CEP57L1: variants seen among roughly 807,000 people sequenced by gnomAD.
CEP57L1 encodes the protein centrosomal protein 57 like 1.
In CEP57L1, 37 loss-of-function variants were observed where a neutral mutation model predicts 61.0. The ratio of observed to expected loss-of-function variants is 0.61; its 90% CI spans 0.47 to 0.80. CEP57L1 has a LOEUF of 0.80. Ranked by LOEUF, CEP57L1 falls within the 30% of genes least tolerant of loss-of-function variation. The probability of loss-of-function intolerance (pLI) is 0.00; values close to 1 mark genes in which losing one functional copy is unlikely to be tolerated. For missense variants in CEP57L1, 422 were observed against 524.7 expected (o/e 0.80, Z 1.91); for synonymous variants, 137 against 162.3 (o/e 0.84, Z 1.19).
chr6:109,163,176 G>T lies in CEP57L1; in HGVS notation c.*206G>T. ...TAATTGCTTTTTTATTTTTCTTATT[G>T]ATTGAAGCCCGTAACCTCATCTTGT... is the stretch of plus-strand genomic sequence containing the variant. On this transcript the variant is annotated 3_prime_UTR_variant, in exon 11 of 11. Coordinates refer to ENST00000517392, the MANE Select transcript of CEP57L1 (RefSeq NM_001271852.3). 2.2e-6 allele frequency: 1 copy of T among 457,222 alleles called. No homozygotes were observed. Among genetic ancestry groups the T allele is most frequent in the Non-Finnish European group, 3.9e-6 (1 of 257,736 alleles). The allele number at this position is 457,222 out of a possible 1,614,324, so 28.3% of individuals were successfully genotyped here. A position where few individuals can be genotyped will look rare whatever the true frequency, so the allele number is the denominator to read the frequency against.
At chr6:109,141,409 G>T (rs919443480) in intron 1 of CEP57L1, among the ~76,000 whole-genome samples, 6 of 150,618 alleles carry the variant, frequency 4.0e-5, no homozygotes, top group Non-Finnish European at 7.4e-5. Flanking sequence ...TAGTGACAGG[G>T]TTTCACTGTT....
At position 109,173,925 on chromosome 6, in the gene CEP57L1, C is replaced by T. The variant is rs949493208; in HGVS notation, c.*10955C>T. Among the ~76,000 whole-genome samples the T allele has an allele frequency of 8.2e-5, 12 of 146,018 alleles. No homozygotes were observed. The highest frequency in any genetic ancestry group is 6.0e-4 in the Admixed American group (9 of 14,888). On this transcript the variant is annotated 3_prime_UTR_variant, in exon 11 of 11. Transcript: ENST00000517392. ...ACCAGCCTCCAACATGGTGAAACCC[C>T]GTCTCTACTAAAAAAAAAAAAAAAA...
At chr6:109,100,170 T>C (rs1349567050) in intron 1 of CEP57L1, 1 of 152,194 alleles carries the variant, frequency 6.6e-6, no homozygotes, top group Non-Finnish European at 1.5e-5. Context: ...GTTGATCATC[T>C]TATCTCTACC....
chr6:109,133,627 C>CT (rs1459443994), intron 1 of CEP57L1, among the ~76,000 whole-genome samples: 2 of 152,016 alleles, frequency 1.3e-5, no homozygotes, highest in African/African-American at 4.8e-5. Context: ...AATCCAGGAG[C>CT]TGGTGTTTTG....
chr6:109,139,758 G>T (rs1771141562), intron 1 of CEP57L1, among the ~76,000 whole-genome samples: 1 of 152,008 alleles, frequency 6.6e-6, no homozygotes, highest in Non-Finnish European at 1.5e-5. Flanking sequence ...AAAGTGCTGG[G>T]ATTACAGACG....
intron 1 of CEP57L1, among the ~76,000 whole-genome samples, chr6:109,116,634 A>G (rs1367659055): frequency 6.6e-6 from 1 of 152,222 alleles, no homozygotes; most frequent in Admixed American, 6.5e-5. Flanking sequence ...TGTCTAAAGT[A>G]TAGTATTATT....
Position 109,155,929 on chromosome 6 carries a change from T to C in CEP57L1, c.744+52T>C, listed in dbSNP as rs770256113. On this transcript the variant is annotated intron_variant, in intron 7 of 10. Transcript: ENST00000517392. ...CAAAAATACTGCTAATACTTATTTATATAACCTCTTAATCCTTATACCTAC... is the reference window on the plus strand; with the variant it reads ...CAAAAATACTGCTAATACTTATTTACATAACCTCTTAATCCTTATACCTAC... 1.5e-5 allele frequency: 12 copies of C among 824,420 alleles called. No individual in the cohort carries two copies. In the South Asian group the frequency reaches 1.9e-4, roughly 13 times the overall value. The allele number at this position is 824,420 out of a possible 1,614,324, so 51.1% of individuals were successfully genotyped here.
intron 1 of CEP57L1, among the ~76,000 whole-genome samples, chr6:109,136,377 G>A (rs1770680567): frequency 2.0e-5 from 3 of 152,144 alleles, no homozygotes; most frequent in African/African-American, 7.2e-5. Context: ...AGAACACTTG[G>A]ACACAGGAAG....
At chr6:109,111,077 C>T (rs575600445) in intron 1 of CEP57L1, among the ~76,000 whole-genome samples, 1 of 152,238 alleles carries the variant, frequency 6.6e-6, no homozygotes, top group East Asian at 1.9e-4. Flanking sequence ...TCAATGGTAG[C>T]TTGATCAGGA....
rs1774317045 is a variant in CEP57L1, at chr6:109,169,759, ATGTGAGATT to A, written c.*6793_*6801del. On this transcript the variant is annotated 3_prime_UTR_variant, in exon 11 of 11. Coordinates refer to ENST00000517392, the MANE Select transcript of CEP57L1 (RefSeq NM_001271852.3). ...TCAGACAGTTTTACAACCAATAAGA[ATGTGAGATT>A]TGTCGGAGAAAAACTATCTGCATGT... Among the ~76,000 whole-genome samples, 1 of 152,212 alleles carries A rather than the reference ATGTGAGATT, an allele frequency of 6.6e-6. No individual in the cohort carries two copies. The highest frequency in any genetic ancestry group is 2.4e-5 in the African/African-American group (1 of 41,458).
chr6:109,107,840 C>CT, intron 1 of CEP57L1, among the ~76,000 whole-genome samples: 1 of 151,962 alleles, frequency 6.6e-6, no homozygotes, highest in Admixed American at 6.6e-5. Flanking sequence ...ACTTGGGAGG[C>CT]TGAGGCAGGA....
chr6:109,173,193 G>C lies in CEP57L1; in HGVS notation c.*10223G>C, dbSNP rs1168619710. ...CATTGTTTGTGTACTTTTTAATTGT[G>C]TCATTTTCTACAGTATTATTTTTGC... is the stretch of plus-strand genomic sequence containing the variant. On this transcript the variant is annotated 3_prime_UTR_variant, in exon 11 of 11. Coordinates refer to ENST00000517392, the MANE Select transcript of CEP57L1 (RefSeq NM_001271852.3). 6.6e-6 allele frequency among the ~76,000 whole-genome samples: 1 copy of C among 151,992 alleles called. No individual in the cohort carries two copies. Among genetic ancestry groups the C allele is most frequent in the Non-Finnish European group, 1.5e-5 (1 of 67,990 alleles).
intron 1 of CEP57L1, among the ~76,000 whole-genome samples, chr6:109,098,081 G>T (rs77622028): frequency 6.6e-6 from 1 of 152,180 alleles, no homozygotes; most frequent in Non-Finnish European, 1.5e-5. Context: ...GGAGAGTTTT[G>T]CGCAGATGAG....
intron 1 of CEP57L1, among the ~76,000 whole-genome samples, chr6:109,122,765 C>T (rs1256548529): frequency 6.6e-6 from 1 of 151,978 alleles, no homozygotes; most frequent in Non-Finnish European, 1.5e-5. Flanking sequence ...CAAGATTGTG[C>T]CATTGCACTC....
Position 109,167,735 on chromosome 6 carries a change from G to A in CEP57L1, c.*4765G>A, listed in dbSNP as rs143221827. 7.4e-3 allele frequency among the ~76,000 whole-genome samples: 1,123 copies of A among 152,220 alleles called. 17 individuals are homozygous for A. The highest frequency in any genetic ancestry group is 0.026 in the African/African-American group (1,074 of 41,536). The stretch of plus-strand genomic sequence containing the variant: ...GGAATAGCCCAGTATTGTTTGTTTG[G>A]GGAGGGGCAGGGTGTGGTTCCACCA... On this transcript the variant is annotated 3_prime_UTR_variant, in exon 11 of 11. Coordinates refer to ENST00000517392, the MANE Select transcript of CEP57L1 (RefSeq NM_001271852.3).
chr6:109,128,499 A>G (rs1043573253), intron 1 of CEP57L1, among the ~76,000 whole-genome samples: 8 of 152,184 alleles, frequency 5.3e-5, no homozygotes, highest in African/African-American at 1.7e-4. Context: ...CCATCTGCCT[A>G]TAATTTCTTC....
chr6:109,114,185 G>A (rs911564801), intron 1 of CEP57L1, among the ~76,000 whole-genome samples: 5 of 152,008 alleles, frequency 3.3e-5, no homozygotes, highest in Admixed American at 6.6e-5. Flanking sequence ...CAGAGTATAA[G>A]GGTTTCTTTT....
At chr6:109,105,490 A>G (rs539794566) in intron 1 of CEP57L1, among the ~76,000 whole-genome samples, 1 of 152,284 alleles carries the variant, frequency 6.6e-6, no homozygotes, top group African/African-American at 2.4e-5. Flanking sequence ...ATTCCCACAT[A>G]TGTAAAAGTT....
rs1480853312 is a variant in CEP57L1 at position 109,163,288 on chromosome 6, C to G, written c.*318C>G. Reference sequence around the variant, plus strand: ...GACAATATTCAAAATTGAGTTAAATCCAAGCTACAAGTACCATTCATTCCA... The same window carrying G: ...GACAATATTCAAAATTGAGTTAAATGCAAGCTACAAGTACCATTCATTCCA... On this transcript the variant is annotated 3_prime_UTR_variant, in exon 11 of 11. Transcript: ENST00000517392. 4.8e-6 allele frequency: 1 copy of G among 208,510 alleles called. No homozygotes were observed. Among genetic ancestry groups the G allele is most frequent in the African/African-American group, 2.4e-5 (1 of 42,326 alleles). 12.9% of individuals were successfully genotyped at this position (208,510 alleles called of 1,614,324 possible).
Sources: allele counts gnomAD v4.1 joint callset (sites outside exome capture counted in the v4.1 genomes callset), GRCh38; gene constraint gnomAD v4.1.1; transcripts MANE v1.5; gene names NCBI Gene and HGNC (gene_info 2026-07-23, HGNC 2026-07-21).